Variants in AUTS2 observed in about 807,000 individuals in gnomAD.
AUTS2 encodes activator of transcription and developmental regulator AUTS2.
A neutral mutation model predicts 112.4 loss-of-function variants in AUTS2; 17 were observed. The observed-to-expected ratio is 0.15, with a 90% CI of 0.10 to 0.23. The LOEUF (loss-of-function observed/expected upper bound fraction) is 0.23, where lower values mean the gene tolerates loss of function less well. Ranked by LOEUF, AUTS2 falls within the 10% of genes least tolerant of loss-of-function variation. The pLI is 1.00. For missense variants in AUTS2, 1,510 were observed against 1,701.6 expected, an observed-to-expected ratio of 0.89 and a Z score of 1.98; for synonymous variants, 751 against 702.7, an observed-to-expected ratio of 1.07 and a Z score of -1.09.
At chr7:70,150,583 A>C (rs1387761618) in intron 4 of AUTS2, among the ~76,000 whole-genome samples, 4 of 152,218 alleles carry the variant, frequency 2.6e-5, no homozygotes, top group African/African-American at 9.6e-5. Flanking sequence ...AAGTGATAGA[A>C]ATCTAAGCTT....
At chr7:70,338,835 T>TATTG (rs1554372146) in intron 4 of AUTS2, among the ~76,000 whole-genome samples, 3 of 111,464 alleles carry the variant, frequency 2.7e-5, no homozygotes, top group African/African-American at 1.1e-4. Context: ...CCTCATCTCT[T>TATTG]ATTTATTTAT....
intron 2 of AUTS2, among the ~76,000 whole-genome samples, chr7:70,057,130 G>T (rs1802029608): frequency 6.6e-6 from 1 of 152,020 alleles, no homozygotes; most frequent in African/African-American, 2.4e-5. Context: ...TTCTTGAATC[G>T]CATACAAAGC....
Position 70,781,458 on chromosome 7 carries a change from T to G in AUTS2, c.2005-157T>G, listed in dbSNP as rs77020456. ...ACTACCGGCCTGCAGATCTGACATTTGAGGGTGAAATGGTTTTTGTGTAGC... is the reference window on the plus strand; with the variant it reads ...ACTACCGGCCTGCAGATCTGACATTGGAGGGTGAAATGGTTTTTGTGTAGC... On this transcript the variant is annotated intron_variant, in intron 14 of 18. Transcript: ENST00000342771. 2.0e-3 allele frequency: 1,661 copies of G among 813,702 alleles called. 20 individuals carry two copies. In the African/African-American group the frequency reaches 0.025, roughly 12 times the overall value. The allele number at this position is 813,702 out of a possible 1,614,324, so 50.4% of individuals were successfully genotyped here. A position where few individuals can be genotyped will look rare whatever the true frequency, so the allele number is the denominator to read the frequency against.
chr7:70,737,707 A>G (rs1050653781), intron 6 of AUTS2, among the ~76,000 whole-genome samples: 15 of 152,104 alleles, frequency 9.9e-5, no homozygotes, highest in African/African-American at 3.6e-4. Flanking sequence ...TTTCTTTATT[A>G]TCAGAGAGTA....
At chr7:70,186,540 A>G (rs1056608537) in intron 4 of AUTS2, among the ~76,000 whole-genome samples, 2 of 152,160 alleles carry the variant, frequency 1.3e-5, no homozygotes, top group South Asian at 2.1e-4. Flanking sequence ...TAGTGATACT[A>G]ATATCTAACA....
intron 6 of AUTS2, among the ~76,000 whole-genome samples, chr7:70,732,247 A>C (rs1402141037): frequency 6.6e-6 from 1 of 152,198 alleles, no homozygotes; most frequent in African/African-American, 2.4e-5. Context: ...TTAGGTTAGC[A>C]TAGTAACTAA....
chr7:70,114,512 G>C (rs1285172301), intron 2 of AUTS2, among the ~76,000 whole-genome samples: 1 of 152,212 alleles, frequency 6.6e-6, no homozygotes, highest in African/African-American at 2.4e-5. Flanking sequence ...ACTATATTCA[G>C]CTGGGCGTGG....
chr7:70,727,535 A>G (rs1787111085), intron 6 of AUTS2, among the ~76,000 whole-genome samples: 1 of 152,002 alleles, frequency 6.6e-6, no homozygotes, highest in African/African-American at 2.4e-5. Context: ...CTTAGTAGAG[A>G]TGGGGTTTCA....
intron 2 of AUTS2, among the ~76,000 whole-genome samples, chr7:69,950,162 TAA>T (rs1796967726): frequency 1.3e-5 from 2 of 152,128 alleles, no homozygotes; most frequent in Non-Finnish European, 2.9e-5. Context: ...CTGGACAAAA[TAA>T]AACTGTTAGC....
At chr7:70,422,570 C>A (rs558931943) in intron 4 of AUTS2, among the ~76,000 whole-genome samples, 2 of 152,092 alleles carry the variant, frequency 1.3e-5, no homozygotes, top group African/African-American at 4.8e-5. Context: ...TGAGGTCAGG[C>A]GTTTGAGACC....
chr7:70,420,705 T>C (rs1795181484), intron 4 of AUTS2, among the ~76,000 whole-genome samples: 1 of 152,206 alleles, frequency 6.6e-6, no homozygotes, highest in Admixed American at 6.5e-5. Flanking sequence ...ACATACTGTA[T>C]GGTTCCATTT....
intron 5 of AUTS2, among the ~76,000 whole-genome samples, chr7:70,573,045 G>A (rs1272478913): frequency 4.6e-5 from 7 of 152,076 alleles, no homozygotes; most frequent in East Asian, 1.9e-4. Flanking sequence ...TCGACTCTTC[G>A]GAGAGAACGG....
intron 6 of AUTS2, among the ~76,000 whole-genome samples, chr7:70,724,129 T>C (rs1385119291): frequency 6.6e-6 from 1 of 152,186 alleles, no homozygotes; most frequent in Admixed American, 6.5e-5. Flanking sequence ...TAGCCTCAGG[T>C]GATCCGCCTG....
intron 2 of AUTS2, among the ~76,000 whole-genome samples, chr7:70,098,019 A>G (rs1016625697): frequency 6.6e-6 from 1 of 152,188 alleles, no homozygotes; most frequent in Non-Finnish European, 1.5e-5. Context: ...TCCAAAACAC[A>G]TTTGCAGCAT....
chr7:70,366,353 T>C (rs900595396), intron 4 of AUTS2, among the ~76,000 whole-genome samples: 6 of 152,076 alleles, frequency 3.9e-5, no homozygotes, highest in Admixed American at 2.6e-4. Context: ...AAAGGCTTCC[T>C]AGAGGAAGCA....
chr7:69,674,639 G>C (rs779256672), intron 1 of AUTS2, among the ~76,000 whole-genome samples: 4 of 152,002 alleles, frequency 2.6e-5, no homozygotes, highest in Non-Finnish European at 4.4e-5. Context: ...GGGTGGGTAG[G>C]GAATAAGGGC....
intron 5 of AUTS2, among the ~76,000 whole-genome samples, chr7:70,455,388 C>A (rs1796695139): frequency 6.6e-6 from 1 of 152,094 alleles, no homozygotes. Context: ...AGTGAAGATG[C>A]CCGCAGCATC....
At position 70,139,982 on chromosome 7, in the gene AUTS2, CAA is replaced by C. The variant is rs754702370; in HGVS notation, c.660+5412_660+5413del. On this transcript the variant is annotated intron_variant, in intron 4 of 18. Transcript: ENST00000342771. ...CGCCATTGCACTCCAGCCTGGGTGA[CAA>C]GAGCGAGATCTCAAAAAAAATTTAT... is the stretch of plus-strand genomic sequence containing the variant. Among the ~76,000 whole-genome samples, 32 of 152,252 alleles carry C rather than the reference CAA, an allele frequency of 2.1e-4. 1 individual carries two copies. Among genetic ancestry groups the C allele is most frequent in the Non-Finnish European group, 4.4e-4 (30 of 68,026 alleles).
At chr7:69,922,523 T>C (rs1195409088) in intron 2 of AUTS2, among the ~76,000 whole-genome samples, 1 of 152,214 alleles carries the variant, frequency 6.6e-6, no homozygotes, top group Non-Finnish European at 1.5e-5. Context: ...AGTATAAATG[T>C]GAGAAGAGAA....
Sources: gnomAD v4.1 joint callset for allele counts (sites outside exome capture counted in the v4.1 genomes callset) on GRCh38, gnomAD v4.1.1 for gene constraint, MANE v1.5 for transcripts, NCBI Gene and HGNC (gene_info 2026-07-23, HGNC 2026-07-21) for gene names.